The following AKAP6 variants were observed in gnomAD, a reference collection of about 807,000 sequenced individuals.
AKAP6 encodes A-kinase anchor protein 6.
A neutral mutation model predicts 188.5 loss-of-function variants in AKAP6; 58 were observed. The observed-to-expected ratio is 0.31, with a 90% CI of 0.25 to 0.38. The LOEUF is 0.38. Among genes scored for constraint, AKAP6 ranks in the 10% least tolerant of loss-of-function variants. The probability of loss-of-function intolerance (pLI) is 1.00; values close to 1 mark genes in which losing one functional copy is unlikely to be tolerated. For missense variants in AKAP6, 2,710 were observed against 2,740.0 expected, an observed-to-expected ratio of 0.99 and a Z score of 0.24; for synonymous variants, 989 against 998.6, an observed-to-expected ratio of 0.99 and a Z score of 0.18.
intron 12 of AKAP6, among the ~76,000 whole-genome samples, chr14:32,780,265 G>A (rs967291530): frequency 6.6e-6 from 1 of 150,944 alleles, no homozygotes; most frequent in Non-Finnish European, 1.5e-5. Flanking sequence ...GAAACTGGAG[G>A]ACATTATGCT....
chr14:32,418,967 A>G (rs1594594717), intron 1 of AKAP6, among the ~76,000 whole-genome samples: 4 of 152,294 alleles, frequency 2.6e-5, no homozygotes, highest in South Asian at 2.1e-4. Flanking sequence ...AACTTAAATT[A>G]CTTGTTCTAG....
At chr14:32,632,944 G>A (rs959398186) in intron 7 of AKAP6, among the ~76,000 whole-genome samples, 2 of 152,046 alleles carry the variant, frequency 1.3e-5, no homozygotes, top group African/African-American at 2.4e-5. Context: ...TATTTTGTAT[G>A]AGACTGGAAT....
intron 13 of AKAP6, among the ~76,000 whole-genome samples, chr14:32,828,529 TCACACACA>T (rs55957852): frequency 0.089 from 6,744 of 75,574 alleles, 147 homozygotes; most frequent in Middle Eastern, 0.18. Context: ...TCTCTCTCTC[TCACACACA>T]CACACACACA....
At chr14:32,689,827 T>C (rs1277124897) in intron 8 of AKAP6, among the ~76,000 whole-genome samples, 1 of 152,120 alleles carries the variant, frequency 6.6e-6, no homozygotes. Context: ...AAGATTTTGT[T>C]ACCACTCCTT....
At chr14:32,397,975 G>A (rs1160276733) in intron 1 of AKAP6, among the ~76,000 whole-genome samples, 2 of 152,150 alleles carry the variant, frequency 1.3e-5, no homozygotes, top group African/African-American at 4.8e-5. Flanking sequence ...TGATAGTGCT[G>A]TACTAGTCTG....
At chr14:32,510,438 G>GTATATATATATACACATATATATGTA (rs1881170029) in intron 2 of AKAP6, among the ~76,000 whole-genome samples, 1 of 84,458 alleles carries the variant, frequency 1.2e-5, no homozygotes, top group African/African-American at 4.5e-5. Context: ...ATATATATGT[G>GTATATATATATACACATATATATGTA]TATATATATA....
chr14:32,606,551 T>G (rs1886133645), intron 7 of AKAP6, among the ~76,000 whole-genome samples: 1 of 152,198 alleles, frequency 6.6e-6, no homozygotes, highest in Admixed American at 6.5e-5. Flanking sequence ...TTCACCCTTT[T>G]TAAAGAAACA....
chr14:32,634,101 A>G (rs1887390360), intron 7 of AKAP6, among the ~76,000 whole-genome samples: 1 of 151,718 alleles, frequency 6.6e-6, no homozygotes. Flanking sequence ...AGTAGAATAC[A>G]GTGGTTAAAA....
At chr14:32,779,266 G>A (rs945098220) in intron 12 of AKAP6, among the ~76,000 whole-genome samples, 1 of 151,676 alleles carries the variant, frequency 6.6e-6, no homozygotes, top group African/African-American at 2.4e-5. Context: ...GCCAGGCATG[G>A]TGGCAGTGCA....
chr14:32,737,549 G>A (rs17099499), intron 11 of AKAP6, among the ~76,000 whole-genome samples: 35,340 of 152,064 alleles, frequency 0.23, 4,457 homozygotes, highest in East Asian at 0.44. Context: ...TCTAAGTGAT[G>A]AAACAGCTCA....
At chr14:32,632,940 G>C (rs1382526321) in intron 7 of AKAP6, among the ~76,000 whole-genome samples, 1 of 151,978 alleles carries the variant, frequency 6.6e-6, no homozygotes, top group Admixed American at 6.6e-5. Flanking sequence ...CATATATTTT[G>C]TATGAGACTG....
chr14:32,617,333 T>C (rs1488064391), intron 7 of AKAP6, among the ~76,000 whole-genome samples: 1 of 126,786 alleles, frequency 7.9e-6, no homozygotes, highest in African/African-American at 3.0e-5. Context: ...CTCGGTGGTC[T>C]GTCTGCCACC....
intron 1 of AKAP6, among the ~76,000 whole-genome samples, chr14:32,360,393 C>T (rs527659954): frequency 6.6e-6 from 1 of 152,162 alleles, no homozygotes; most frequent in East Asian, 1.9e-4. Context: ...TCTCAAAGTG[C>T]TGGGATTACA....
intron 1 of AKAP6, among the ~76,000 whole-genome samples, chr14:32,416,268 G>A (rs545613350): frequency 2.0e-5 from 3 of 152,100 alleles, no homozygotes; most frequent in Non-Finnish European, 4.4e-5. Flanking sequence ...GCAATACCTT[G>A]TAGTTTTGAT....
At chr14:32,405,532 G>T (rs1335916548) in intron 1 of AKAP6, among the ~76,000 whole-genome samples, 1 of 152,044 alleles carries the variant, frequency 6.6e-6, no homozygotes, top group Non-Finnish European at 1.5e-5. Context: ...AAATATTTCA[G>T]ATTTCAGTTT....
chr14:32,372,847 A>C (rs944425657), intron 1 of AKAP6, among the ~76,000 whole-genome samples: 2 of 151,314 alleles, frequency 1.3e-5, no homozygotes, highest in Non-Finnish European at 2.9e-5. Context: ...AGGAGAGAGA[A>C]AAAGAAAGAG....
chr14:32,511,675 C>T (rs1358449910), intron 2 of AKAP6, among the ~76,000 whole-genome samples: 1 of 152,142 alleles, frequency 6.6e-6, no homozygotes, highest in East Asian at 1.9e-4. Context: ...CTATTGATAA[C>T]CCCTTTATAT....
At chr14:32,596,157 T>G (rs190165087) in intron 5 of AKAP6, among the ~76,000 whole-genome samples, 3 of 152,272 alleles carry the variant, frequency 2.0e-5, no homozygotes, top group African/African-American at 7.2e-5. Context: ...CTCTGGACAT[T>G]TAAGCTTTTG....
In AKAP6 at chr14:32,433,727, G is replaced by A; in HGVS notation, c.234G>A (p.Arg78=). ...LHLPEIETWL[R]MTSERVRDLT... ...TACCTGAAATTGAGACCTGGCTCCG[G>A]ATGACCTCAGAGAGGGTCCGAGACC... The change falls in exon 2 of 14, where the codon CGG becomes CGA. Residue 78 remains arginine (R), a synonymous_variant. Transcript: ENST00000280979. The A allele has an allele frequency of 6.2e-7, 1 of 1,614,194 alleles. No individual in the cohort carries two copies. The highest frequency in any genetic ancestry group is 1.1e-5 in the South Asian group (1 of 91,084).
Sources: gnomAD v4.1 joint callset for allele counts (sites outside exome capture counted in the v4.1 genomes callset) on GRCh38, gnomAD v4.1.1 for gene constraint, MANE v1.5 for transcripts, NCBI Gene and HGNC (gene_info 2026-07-23, HGNC 2026-07-21) for gene names.